COL15A1: variants seen among roughly 807,000 people sequenced by gnomAD.
COL15A1 encodes the protein collagen type XV alpha 1 chain, also known as collagen alpha-1(XV) chain.
COL15A1 carries 111 observed loss-of-function variants against 165.9 expected under a neutral mutation model. The observed-to-expected ratio is 0.67, with a 90% CI of 0.57 to 0.78. The LOEUF is 0.78. COL15A1 is among the 30% of genes least tolerant of loss of function. The pLI is 0.00. For missense variants in COL15A1, 1,745 were observed against 1,789.7 expected, an observed-to-expected ratio of 0.98 and a Z score of 0.45; for synonymous variants, 659 against 674.8, an observed-to-expected ratio of 0.98 and a Z score of 0.36.
At chr9:98,977,488 G>A (rs958729468) in intron 2 of COL15A1, among the ~76,000 whole-genome samples, 4 of 152,242 alleles carry the variant, frequency 2.6e-5, no homozygotes, top group African/African-American at 7.2e-5. Context: ...GCGCAGCCGC[G>A]AGTGAGCATG....
rs1825958568 is a variant in COL15A1 at position 99,069,965 on chromosome 9, T to C, written c.*79T>C. The C allele has an allele frequency of 1.7e-6, 2 of 1,211,404 alleles. No individual in the cohort carries two copies. Among genetic ancestry groups the C allele is most frequent in the East Asian group, 4.9e-5 (2 of 41,000 alleles). The allele number at this position is 1,211,404 out of a possible 1,614,324, so 75.0% of individuals were successfully genotyped here. On this transcript the variant is annotated 3_prime_UTR_variant, in exon 42 of 42. Coordinates refer to ENST00000375001, the MANE Select transcript of COL15A1 (RefSeq NM_001855.5). Reference sequence around the variant, plus strand: ...GACACTGAAATCTAAAATGTTTAATTGTTGTAAATATTACAGTTTTTTTTT... The same window carrying C: ...GACACTGAAATCTAAAATGTTTAATCGTTGTAAATATTACAGTTTTTTTTT...
intron 9 of COL15A1, among the ~76,000 whole-genome samples, chr9:99,005,539 G>A (rs973424239): frequency 1.3e-5 from 2 of 152,124 alleles, no homozygotes; most frequent in Admixed American, 1.3e-4. Context: ...TACTATGGGT[G>A]CCCTCAAGTT....
chr9:99,021,727 G>A (rs1839030966), intron 12 of COL15A1, among the ~76,000 whole-genome samples: 1 of 152,246 alleles, frequency 6.6e-6, no homozygotes, highest in African/African-American at 2.4e-5. Flanking sequence ...AGAGGAGCAG[G>A]TGGGCAGGGC....
chr9:98,947,912 G>T lies in COL15A1; in HGVS notation c.100+3662G>T, dbSNP rs534956720. On this transcript the variant is annotated intron_variant, in intron 2 of 41. Coordinates refer to ENST00000375001, the MANE Select transcript of COL15A1 (RefSeq NM_001855.5). The stretch of plus-strand genomic sequence containing the variant: ...ACAAGTTCAGGTATTGGAAAACCTG[G>T]GTTCCACTCACTGACTTCCTCCATG... Among the ~76,000 whole-genome samples, 6 of 152,230 alleles carry T rather than the reference G, an allele frequency of 3.9e-5. No homozygotes were observed. In the South Asian group the frequency reaches 1.0e-3, roughly 26 times the overall value.
In COL15A1 at chr9:99,038,630, C is replaced by T; in HGVS notation, c.2410-38C>T. ...GCCAGGAACAAGGCAGAACACATGC[C>T]ATCCTTTGTCCTCATTGTCTGATTT... On this transcript the variant is annotated intron_variant, in intron 21 of 41. Coordinates refer to ENST00000375001, the MANE Select transcript of COL15A1 (RefSeq NM_001855.5). 4.8e-6 allele frequency: 6 copies of T among 1,248,538 alleles called. No homozygotes were observed. In the South Asian group the frequency reaches 6.0e-5, roughly 12 times the overall value. 77.3% of individuals were successfully genotyped at this position (1,248,538 alleles called of 1,614,324 possible).
At chr9:98,960,593 G>A (rs563541947) in intron 2 of COL15A1, among the ~76,000 whole-genome samples, 2 of 152,262 alleles carry the variant, frequency 1.3e-5, no homozygotes, top group South Asian at 2.1e-4. Flanking sequence ...TGGAGGGCAA[G>A]TGCTGAATCT....
intron 9 of COL15A1, among the ~76,000 whole-genome samples, chr9:99,012,154 C>T (rs112161837): frequency 6.6e-6 from 1 of 152,222 alleles, no homozygotes; most frequent in South Asian, 2.1e-4. Flanking sequence ...TCTAATATTG[C>T]TTTACCAGTA....
chr9:99,059,815 G>T lies in COL15A1; in HGVS notation c.3338-74G>T, dbSNP rs948495245. The T allele has an allele frequency of 5.2e-5, 80 of 1,539,228 alleles. 1 individual carries two copies. Among genetic ancestry groups the T allele is most frequent in the South Asian group, 2.1e-4 (18 of 86,872 alleles). On this transcript the variant is annotated intron_variant, in intron 35 of 41. Coordinates refer to ENST00000375001, the MANE Select transcript of COL15A1 (RefSeq NM_001855.5). Reference sequence around the variant, plus strand: ...AATGGGGTTGAACACACTTCTCTCCGGGAGTCAGCTGATACCTCAGACATT... The same window carrying T: ...AATGGGGTTGAACACACTTCTCTCCTGGAGTCAGCTGATACCTCAGACATT...
At position 98,964,763 on chromosome 9, in the gene COL15A1, G is replaced by A. The variant is rs1837928019; in HGVS notation, c.100+20513G>A. Among the ~76,000 whole-genome samples the A allele has an allele frequency of 2.6e-5, 4 of 152,132 alleles. 1 individual carries two copies. The South Asian group carries it at 6.2e-4, about 24-fold the overall frequency. On this transcript the variant is annotated intron_variant, in intron 2 of 41. Transcript: ENST00000375001. ...GGAATACAACATGCCAAAGCTGCTC[G>A]AGCTGGTCACACCATCAGTCTGGGC...
chr9:98,989,829 C>T (rs573931038), intron 5 of COL15A1, among the ~76,000 whole-genome samples: 18 of 152,326 alleles, frequency 1.2e-4, no homozygotes, highest in South Asian at 4.1e-4. Context: ...GCAATCCTAA[C>T]TTCCAGTGGC....
chr9:98,972,256 C>T (rs1027912102), intron 2 of COL15A1, among the ~76,000 whole-genome samples: 1 of 152,084 alleles, frequency 6.6e-6, no homozygotes, highest in African/African-American at 2.4e-5. Flanking sequence ...AGGCAGTTAG[C>T]CCTTACCCGT....
intron 41 of COL15A1, among the ~76,000 whole-genome samples, chr9:99,068,959 T>C (rs1825939981): frequency 6.6e-6 from 1 of 152,152 alleles, no homozygotes; most frequent in Non-Finnish European, 1.5e-5. Flanking sequence ...GAGAATAAAA[T>C]GAATATATGT....
chr9:99,059,655 C>T (rs1218708502), intron 35 of COL15A1, among the ~76,000 whole-genome samples: 1 of 152,220 alleles, frequency 6.6e-6, no homozygotes, highest in Non-Finnish European at 1.5e-5. Flanking sequence ...CGGAAAAGCA[C>T]TAGCCATGGC....
At chr9:98,996,544 T>C (rs575081892) in intron 5 of COL15A1, among the ~76,000 whole-genome samples, 10 of 152,392 alleles carry the variant, frequency 6.6e-5, no homozygotes, top group East Asian at 3.9e-4. Context: ...ATTGAATTTA[T>C]ATGCAGTTTA....
chr9:99,020,714 A>G (rs1008095275), intron 12 of COL15A1, among the ~76,000 whole-genome samples: 2 of 152,150 alleles, frequency 1.3e-5, no homozygotes, highest in Non-Finnish European at 2.9e-5. Flanking sequence ...AAAGGGTCCT[A>G]TGATTCCACA....
At chr9:99,039,319 G>C (rs1160812847) in intron 22 of COL15A1, among the ~76,000 whole-genome samples, 2 of 152,152 alleles carry the variant, frequency 1.3e-5, no homozygotes, top group Non-Finnish European at 2.9e-5. Context: ...GACCAGCCTG[G>C]CCAACATGTT....
At chr9:99,057,279 G>T (rs1167141996) in intron 35 of COL15A1, among the ~76,000 whole-genome samples, 2 of 152,092 alleles carry the variant, frequency 1.3e-5, no homozygotes, top group African/African-American at 4.8e-5. Flanking sequence ...CTGTGGTTTT[G>T]GTTTGCATTT....
At chr9:98,998,353 G>T (rs987756861) in intron 6 of COL15A1, among the ~76,000 whole-genome samples, 4 of 152,192 alleles carry the variant, frequency 2.6e-5, no homozygotes, top group Non-Finnish European at 5.9e-5. Flanking sequence ...TGGGGAGTCT[G>T]TGGGTCAGAG....
chr9:98,950,550 CCCTT>C (rs60753911), intron 2 of COL15A1, among the ~76,000 whole-genome samples: 673 of 66,904 alleles, frequency 0.01, 11 homozygotes, highest in Middle Eastern at 0.02. Context: ...CCTTCCCTTC[CCCTT>C]CCTTCCTTCC....
Sources: allele counts gnomAD v4.1 joint callset (sites outside exome capture counted in the v4.1 genomes callset), GRCh38; gene constraint gnomAD v4.1.1; transcripts MANE v1.5; gene names NCBI Gene and HGNC (gene_info 2026-07-23, HGNC 2026-07-21).